Variants in CKAP4 observed in about 807,000 individuals in gnomAD.
CKAP4 encodes cytoskeleton associated protein 4.
Under a neutral mutation model 24.4 loss-of-function variants are expected in CKAP4, and 20 were observed. That is an observed-to-expected ratio of 0.82 (90% CI 0.58 to 1.19). The LOEUF (loss-of-function observed/expected upper bound fraction) is 1.19. Among genes scored for constraint, CKAP4 ranks in the 50% most tolerant of loss-of-function variants. CKAP4 has a pLI of 0.00. For missense variants in CKAP4, 744 were observed against 765.3 expected, an observed-to-expected ratio of 0.97 and a Z score of 0.33; for synonymous variants, 378 against 351.7, an observed-to-expected ratio of 1.07 and a Z score of -0.84.
chr12:106,241,331 C>CTTTTT (rs34135868), intron 1 of CKAP4, among the ~76,000 whole-genome samples: 38 of 127,472 alleles, frequency 3.0e-4, no homozygotes, highest in African/African-American at 7.0e-4. Context: ...GCCAGGGATT[C>CTTTTT]TTTTTTTTTT....
Position 106,239,629 on chromosome 12 carries a change from G to A in CKAP4, c.1204C>T (p.Leu402Phe), listed in dbSNP as rs778882224. 1.9e-6 allele frequency: 3 copies of A among 1,614,198 alleles called. No individual in the cohort carries two copies. In the South Asian group the frequency reaches 3.3e-5, roughly 18 times the overall value. The change falls in exon 2 of 2, where the codon CTC becomes TTC. Residue 402 changes from leucine (L) to phenylalanine (F), a missense_variant. Transcript: ENST00000378026. The surrounding 1 kb of genome is among the most constrained non-coding windows in gnomAD (Gnocchi z 4.9). ...TCCAGTCCCTGACTCTTTTGCTGGA[G>A]TGCCTCAAAGGCTTCCGAGTGTCTG... ...GFRHSEAFEA[L>F]QQKSQGLDSR... is the part of the protein sequence containing the mutation.
Position 106,239,959 on chromosome 12 carries a change from C to G in CKAP4, c.874G>C (p.Ala292Pro). The G allele has an allele frequency of 6.2e-7, 1 of 1,614,184 alleles. No homozygotes were observed. Among genetic ancestry groups the G allele is most frequent in the Non-Finnish European group, 8.5e-7 (1 of 1,180,042 alleles). The change falls in exon 2 of 2, where the codon GCT becomes CCT. Residue 292 changes from alanine (A) to proline (P), a missense_variant. This residue lies in a region of CKAP4 where 401 missense variants were observed against 424.5 expected (regional missense o/e 0.94). Transcript: ENST00000378026. The surrounding 1 kb of genome is among the most constrained non-coding windows in gnomAD (Gnocchi z 4.9). ...GCTGAGGTCTGTATCTCCTTCACAG[C>G]TTCCTTTAAGGCTTTCAAATCCTGC... is the stretch of plus-strand genomic sequence containing the variant. ...NKQDLKALKEAVKEIQTSAKS... is the reference protein window; with the variant it reads ...NKQDLKALKEPVKEIQTSAKS...
intron 1 of CKAP4, 93 bp from the exon 2 acceptor site, chr12:106,240,442 T>C: frequency 1.4e-6 from 2 of 1,400,550 alleles, no homozygotes; most frequent in South Asian, 2.8e-5. Flanking sequence ...CAGGTCCTGT[T>C]TTTTTCCAGA....
Position 106,247,673 on chromosome 12 carries a change from T to C in CKAP4, c.179A>G (p.Gln60Arg). Residue 60 changes from glutamine to arginine, a missense_variant, in exon 1 of 2, where the codon CAG becomes CGG. By Grantham distance (43) the Gln-to-Arg change is conservative. Transcript: ENST00000378026. The surrounding 1 kb of genome is among the most constrained non-coding windows in gnomAD (Gnocchi z 4.5). ...GCCGCCCTTGCCGTGCGCCTGGTTCTGCGGGTGCTGCTGCGGGTGCTGCTG... is the reference window on the plus strand; with the variant it reads ...GCCGCCCTTGCCGTGCGCCTGGTTCCGCGGGTGCTGCTGCGGGTGCTGCTG... ...HPQQHPQQHPQNQAHGKGGHR... is the reference protein window; with the variant it reads ...HPQQHPQQHPRNQAHGKGGHR... The C allele has an allele frequency of 1.8e-6, 2 of 1,094,118 alleles. No homozygotes were observed. Among genetic ancestry groups the C allele is most frequent in the Admixed American group, 4.0e-5 (1 of 25,076 alleles). The allele number at this position is 1,094,118 out of a possible 1,614,324, so 67.8% of individuals were successfully genotyped here.
intron 1 of CKAP4, among the ~76,000 whole-genome samples, chr12:106,243,993 A>C (rs921873131): frequency 1.4e-4 from 21 of 152,162 alleles, no homozygotes; most frequent in African/African-American, 5.1e-4. Flanking sequence ...CTATGAACCA[A>C]ACTCCACCCC....
chr12:106,238,596 CA>C lies in CKAP4; in HGVS notation c.*427del, dbSNP rs63264962. 92 of 141,722 alleles carry C rather than the reference CA, an allele frequency of 6.5e-4. No homozygotes were observed. Among genetic ancestry groups the C allele is most frequent in the Middle Eastern group, 3.4e-3 (1 of 298 alleles). The allele number at this position is 141,722 out of a possible 1,614,324, so 8.8% of individuals were successfully genotyped here. ...TATCTCATAAAAATTTCGGCCAGAA[CA>C]AAAAAAAAAGTAAAATTAATTTTCC... On this transcript the variant is annotated 3_prime_UTR_variant, in exon 2 of 2. Coordinates refer to ENST00000378026, the MANE Select transcript of CKAP4 (RefSeq NM_006825.4).
rs1328194082 is a variant in CKAP4, at chr12:106,247,642, G to T, written c.210C>A (p.Arg70=). 1.9e-6 allele frequency: 2 copies of T among 1,069,832 alleles called. No homozygotes were observed. Among genetic ancestry groups the T allele is most frequent in the Non-Finnish European group, 1.2e-6 (1 of 849,538 alleles). The allele number at this position is 1,069,832 out of a possible 1,614,324, so 66.3% of individuals were successfully genotyped here. Reference sequence around the variant, plus strand: ...ACTTGCCGCCGCCGCCGCCGCCGCCGCGGTGGCCGCCCTTGCCGTGCGCCT... The same window carrying T: ...ACTTGCCGCCGCCGCCGCCGCCGCCTCGGTGGCCGCCCTTGCCGTGCGCCT... ...QNQAHGKGGH[R]GGGGGGGKSS... is the part of the protein sequence containing the mutation. The change falls in exon 1 of 2, where the codon CGC becomes CGA. Residue 70 remains arginine, a synonymous_variant. Transcript: ENST00000378026. This position sits in a 1 kb window ranked among gnomAD's most constrained non-coding sequence, Gnocchi z 4.5.
chr12:106,247,573 G>GGCGGCGGCGGCA lies in CKAP4; in HGVS notation c.267_278dup (p.Ala91_Ala94dup), dbSNP rs1227633309. The stretch of plus-strand genomic sequence containing the variant: ...GCGAGCAGGACGCCGAGGACGAGGC[G>GGCGGCGGCGGCA]GCGGCGGCGGCAGCGGCGGCGGAGG... On this transcript the variant is annotated inframe_insertion, in exon 1 of 2. Coordinates refer to ENST00000378026, the MANE Select transcript of CKAP4 (RefSeq NM_006825.4). The surrounding 1 kb of genome is among the most constrained non-coding windows in gnomAD (Gnocchi z 4.5). 20 of 1,426,144 alleles carry GGCGGCGGCGGCA rather than the reference G, an allele frequency of 1.4e-5. No homozygotes were observed. Among genetic ancestry groups the GGCGGCGGCGGCA allele is most frequent in the African/African-American group, 3.0e-5 (2 of 67,010 alleles). The allele number at this position is 1,426,144 out of a possible 1,614,324, so 88.3% of individuals were successfully genotyped here. A position where few individuals can be genotyped will look rare whatever the true frequency, so the allele number is the denominator to read the frequency against.
In CKAP4 at chr12:106,239,878, A is replaced by T; in HGVS notation, c.955T>A (p.Ser319Thr). The T allele has an allele frequency of 6.2e-7, 1 of 1,609,852 alleles. No homozygotes were observed. Among genetic ancestry groups the T allele is most frequent in the Non-Finnish European group, 8.5e-7 (1 of 1,178,320 alleles). Residue 319 changes from serine to threonine, a missense_variant, in exon 2 of 2, where the codon TCT becomes ACT. Around this residue, in one of 3 missense-constraint regions of CKAP4, gnomAD observed 401 missense variants for 424.5 expected, o/e 0.94. Transcript: ENST00000378026. This position sits in a 1 kb window ranked among gnomAD's most constrained non-coding sequence, Gnocchi z 4.9. ...ALRSTLQTME[S>T]DIYTEVRELV... The stretch of plus-strand genomic sequence containing the variant: ...TCGCGGACCTCGGTGTAGATGTCAG[A>T]CTCCATAGTCTGAAGGGTACTTCTC...
At chr12:106,242,315 C>T (rs1014911137) in intron 1 of CKAP4, among the ~76,000 whole-genome samples, 1 of 152,348 alleles carries the variant, frequency 6.6e-6, no homozygotes, top group African/African-American at 2.4e-5. Context: ...TTCTGAAGCA[C>T]CTGGTAAGTC....
chr12:106,247,561 C>G lies in CKAP4; in HGVS notation c.291G>C (p.Ser97=). 2 of 1,445,962 alleles carry G rather than the reference C, an allele frequency of 1.4e-6. No individual in the cohort carries two copies. Among genetic ancestry groups the G allele is most frequent in the Admixed American group, 2.4e-5 (1 of 41,922 alleles). 89.6% of individuals were successfully genotyped at this position (1,445,962 alleles called of 1,614,324 possible). Reference sequence around the variant, plus strand: ...TGCCGAGCCTGCGCGAGCAGGACGCCGAGGACGAGGCGGCGGCGGCGGCAG... The same window carrying G: ...TGCCGAGCCTGCGCGAGCAGGACGCGGAGGACGAGGCGGCGGCGGCGGCAG... ...AAAAAAAASS[S]ASCSRRLGRA... Residue 97 remains serine, a synonymous_variant, in exon 1 of 2, where the codon TCG becomes TCC. Transcript: ENST00000378026. This position sits in a 1 kb window ranked among gnomAD's most constrained non-coding sequence, Gnocchi z 4.5.
Position 106,247,434 on chromosome 12 carries a change from T to C in CKAP4, c.418A>G (p.Ser140Gly), listed in dbSNP as rs1048543142. The C allele has an allele frequency of 1.4e-5, 21 of 1,544,026 alleles. No individual in the cohort carries two copies. The African/African-American group carries it at 2.1e-4, about 15-fold the overall frequency. ...VLEEVQQVRR[S>G]HQDFSRQREE... is the part of the protein sequence containing the mutation. The stretch of plus-strand genomic sequence containing the variant: ...CTCTGCCGGGAGAAGTCCTGGTGGC[T>C]GCGCCGGACCTGCTGGACCTCCTCC... Residue 140 changes from serine (S) to glycine (G), a missense_variant, in exon 1 of 2, where the codon AGC (serine) becomes GGC (glycine). By Grantham distance (56) the Ser-to-Gly change is moderately conservative. This residue lies in a region of CKAP4 where 300 missense variants were observed against 264.5 expected (regional missense o/e 1.13). Coordinates refer to ENST00000378026, the MANE Select transcript of CKAP4 (RefSeq NM_006825.4). This position sits in a 1 kb window ranked among gnomAD's most constrained non-coding sequence, Gnocchi z 4.5.
At chr12:106,241,355 C>T (rs1233965133) in intron 1 of CKAP4, among the ~76,000 whole-genome samples, 4 of 121,308 alleles carry the variant, frequency 3.3e-5, no homozygotes, top group African/African-American at 7.5e-5. Context: ...TTTTTTGAGA[C>T]GGAGTCTCGC....
chr12:106,241,374 C>T (rs2136534963), intron 1 of CKAP4, among the ~76,000 whole-genome samples: 2 of 148,932 alleles, frequency 1.3e-5, no homozygotes, highest in African/African-American at 2.5e-5. Context: ...GCTCTGTCGC[C>T]CAGGCTGGAG....
Position 106,237,992 on chromosome 12 carries a change from G to GTTTTTTTTTTTTTTTTTTTTTTAT in CKAP4, c.*1031_*1032insATAAAAAAAAAAAAAAAAAAAAAA. ...TTTTTTTTTTTTTTTTACTTTTCGG[G>GTTTTTTTTTTTTTTTTTTTTTTAT]TTTTTTTTTTTTTTTTTTTTTCAAT... On this transcript the variant is annotated 3_prime_UTR_variant, in exon 2 of 2. Coordinates refer to ENST00000378026, the MANE Select transcript of CKAP4 (RefSeq NM_006825.4). 1 of 70,512 alleles carries GTTTTTTTTTTTTTTTTTTTTTTAT rather than the reference G, an allele frequency of 1.4e-5. No homozygotes were observed. The highest frequency in any genetic ancestry group is 2.4e-5 in the Non-Finnish European group (1 of 41,606). The allele number at this position is 70,512 out of a possible 1,614,324, so 4.4% of individuals were successfully genotyped here.
chr12:106,240,266 A>T lies in CKAP4; in HGVS notation c.567T>A (p.Ala189=). 6.2e-7 allele frequency: 1 copy of T among 1,614,162 alleles called. No individual in the cohort carries two copies. Among genetic ancestry groups the T allele is most frequent in the African/African-American group, 1.3e-5 (1 of 75,040 alleles). Reference sequence around the variant, plus strand: ...TGACCTCACTCTCCCCTTGCTTCACAGCTTTCTCTGTGAGGTCTTGTTTAT... The same window carrying T: ...TGACCTCACTCTCCCCTTGCTTCACTGCTTTCTCTGTGAGGTCTTGTTTAT... The part of the protein sequence containing the change: ...SQHKQDLTEK[A]VKQGESEVSR... The change falls in exon 2 of 2, where the codon GCT becomes GCA. Residue 189 remains alanine, a synonymous_variant. Transcript: ENST00000378026.
rs1592899783 is a variant in CKAP4 at position 106,247,901 on chromosome 12, G to A, written c.-50C>T. ...CGCGGGCTGGGAGGCGAGCGAGCGC[G>A]GCGCGCGGCCCGGGAAACTTGCAGG... On this transcript the variant is annotated 5_prime_UTR_variant, in exon 1 of 2. Transcript: ENST00000378026. The surrounding 1 kb of genome is among the most constrained non-coding windows in gnomAD (Gnocchi z 4.5). The A allele has an allele frequency of 4.0e-6, 4 of 1,004,014 alleles. No homozygotes were observed. In the East Asian group the frequency reaches 2.8e-4, roughly 71 times the overall value. 62.2% of individuals were successfully genotyped at this position (1,004,014 alleles called of 1,614,324 possible).
At chr12:106,241,790 G>A (rs11112913) in intron 1 of CKAP4, among the ~76,000 whole-genome samples, 11,332 of 151,958 alleles carry the variant, frequency 0.075, 559 homozygotes, top group Admixed American at 0.11. Context: ...CAACCTCTCT[G>A]CCTGTGCTAT....
In CKAP4 at chr12:106,239,318, C is replaced by T. The variant is rs2033943779; in HGVS notation, c.1515G>A (p.Lys505=). 1.9e-6 allele frequency: 3 copies of T among 1,609,802 alleles called. No individual in the cohort carries two copies. The highest frequency in any genetic ancestry group is 4.5e-5 in the East Asian group (2 of 44,880). ...GCAGCGTGTGCACCTGCTCCTGCAC[C>T]TTCTGGAGTGATTCCACGGTGCTGG... ...ELPSTVESLQ[K]VQEQVHTLLS... Residue 505 remains lysine (K), a synonymous_variant, in exon 2 of 2, where the codon AAG becomes AAA. Transcript: ENST00000378026. This position sits in a 1 kb window ranked among gnomAD's most constrained non-coding sequence, Gnocchi z 4.9.
Sources: allele counts gnomAD v4.1 joint callset (sites outside exome capture counted in the v4.1 genomes callset), GRCh38; gene constraint gnomAD v4.1.1; regional missense constraint gnomAD v4.1.1; non-coding constraint Gnocchi (gnomAD v3.1); transcripts MANE v1.5; gene names NCBI Gene and HGNC (gene_info 2026-07-23, HGNC 2026-07-21).